The following KAZN variants were observed in gnomAD, a reference collection of about 807,000 sequenced individuals.
KAZN encodes kazrin, periplakin interacting protein, also known as kazrin.
KAZN carries 40 observed loss-of-function variants against 87.4 expected under a neutral mutation model. The observed-to-expected ratio is 0.46, with a 90% CI of 0.36 to 0.60. KAZN has a LOEUF of 0.60. KAZN is among the 20% of genes least tolerant of loss of function. KAZN has a pLI of 0.00. For synonymous variants in KAZN, 466 were observed against 458.3 expected (o/e 1.02, Z -0.22); for missense variants, 898 against 1,073.9 (o/e 0.84, Z 2.29).
intron 1 of KAZN, among the ~76,000 whole-genome samples, chr1:14,639,653 AT>A (rs371396058): frequency 3.3e-4 from 49 of 148,766 alleles, no homozygotes; most frequent in African/African-American, 7.4e-4. Flanking sequence ...AACTTCAGCA[AT>A]TTTTTTTTTT....
At chr1:14,430,355 G>T (rs1323269805) in intron 2 of KAZN, among the ~76,000 whole-genome samples, 2 of 151,862 alleles carry the variant, frequency 1.3e-5, no homozygotes, top group East Asian at 3.9e-4. Context: ...CCAGATTCAC[G>T]AATGTACCCC....
intron 2 of KAZN, among the ~76,000 whole-genome samples, chr1:14,578,098 C>T (rs781220782): frequency 2.4e-4 from 37 of 152,064 alleles, no homozygotes; most frequent in South Asian, 4.2e-4. Flanking sequence ...TGAGCTCCTT[C>T]GGATTGGACG....
intron 1 of KAZN, among the ~76,000 whole-genome samples, chr1:14,098,107 C>T (rs966677019): frequency 6.6e-5 from 10 of 152,092 alleles, no homozygotes; most frequent in South Asian, 2.1e-4. Flanking sequence ...CCCAAGTCCT[C>T]CCAGCCAGCA....
intron 2 of KAZN, among the ~76,000 whole-genome samples, chr1:14,220,457 G>A (rs1285184773): frequency 1.3e-5 from 2 of 152,148 alleles, no homozygotes; most frequent in Non-Finnish European, 2.9e-5. Flanking sequence ...CTATTTCTCT[G>A]TGTCGAGAGG....
chr1:15,063,508 C>T (rs533542475), intron 6 of KAZN, 64 bp from the exon 7 acceptor site: 18 of 1,424,130 alleles, frequency 1.3e-5, no homozygotes, highest in African/African-American at 8.5e-5. Context: ...CCGCACGGGC[C>T]GCCTCTGCTC....
chr1:15,100,730 G>A (rs1641022618), intron 10 of KAZN, among the ~76,000 whole-genome samples: 1 of 152,208 alleles, frequency 6.6e-6, no homozygotes, highest in South Asian at 2.1e-4. Flanking sequence ...GTCAAACATG[G>A]ACTTTAATTC....
At chr1:14,796,104 G>T (rs1026689684) in intron 1 of KAZN, among the ~76,000 whole-genome samples, 2 of 152,094 alleles carry the variant, frequency 1.3e-5, no homozygotes, top group African/African-American at 4.8e-5. Flanking sequence ...CTTGGACTTG[G>T]CCCCTCCAGT....
intron 13 of KAZN, among the ~76,000 whole-genome samples, chr1:15,110,391 T>TTG (rs71000363): frequency 0.054 from 8,193 of 150,898 alleles, 248 homozygotes; most frequent in Middle Eastern, 0.082. Context: ...ATTTGTGTGT[T>TTG]TGTGTGTGTC....
chr1:14,531,840 T>G (rs1571875912), intron 2 of KAZN, among the ~76,000 whole-genome samples: 1 of 152,164 alleles, frequency 6.6e-6, no homozygotes, highest in East Asian at 1.9e-4. Flanking sequence ...CACGTATATT[T>G]TTTTCCTTAA....
At chr1:14,827,151 GT>G (rs1274925814) in intron 1 of KAZN, among the ~76,000 whole-genome samples, 1 of 152,136 alleles carries the variant, frequency 6.6e-6, no homozygotes, top group Non-Finnish European at 1.5e-5. Context: ...ATTGGCTAAG[GT>G]AACTTTCTGT....
intron 2 of KAZN, among the ~76,000 whole-genome samples, chr1:14,252,573 A>G (rs2100618265): frequency 6.6e-6 from 1 of 152,184 alleles, no homozygotes; most frequent in East Asian, 1.9e-4. Context: ...CTTCCTTCAA[A>G]TATCAGTTCA....
At chr1:14,705,193 C>T (rs1409720891) in intron 1 of KAZN, among the ~76,000 whole-genome samples, 6 of 152,214 alleles carry the variant, frequency 3.9e-5, no homozygotes, top group South Asian at 2.1e-4. Context: ...TGTGCACACT[C>T]ATCCCAGGTG....
chr1:14,109,774 A>G (rs535380369), intron 1 of KAZN, among the ~76,000 whole-genome samples: 8 of 112,126 alleles, frequency 7.1e-5, no homozygotes, highest in East Asian at 3.8e-4. Flanking sequence ...ACTCTCCTCC[A>G]TCAGGCCCCT....
intron 1 of KAZN, among the ~76,000 whole-genome samples, chr1:14,644,373 T>C (rs550474732): frequency 6.6e-6 from 1 of 151,344 alleles, no homozygotes; most frequent in Admixed American, 6.6e-5. Context: ...TTTTTTCTTC[T>C]TTTTTTGAGA....
intron 2 of KAZN, among the ~76,000 whole-genome samples, chr1:14,343,648 T>G (rs1657899077): frequency 6.6e-6 from 1 of 152,238 alleles, no homozygotes; most frequent in Non-Finnish European, 1.5e-5. Flanking sequence ...TGTTTGATTT[T>G]TATTGATTCA....
intron 2 of KAZN, among the ~76,000 whole-genome samples, chr1:14,532,774 T>A (rs1193799278): frequency 6.6e-6 from 1 of 151,904 alleles, no homozygotes; most frequent in African/African-American, 2.4e-5. Flanking sequence ...TCCAGTTTCA[T>A]CCATGTCCCT....
At chr1:14,658,864 G>T (rs1207265328) in intron 1 of KAZN, among the ~76,000 whole-genome samples, 1 of 152,118 alleles carries the variant, frequency 6.6e-6, no homozygotes, top group East Asian at 1.9e-4. Context: ...GCAGTTTACT[G>T]TAATTCACAC....
chr1:14,002,170 C>T (rs367914168), intron 1 of KAZN, among the ~76,000 whole-genome samples: 2 of 152,078 alleles, frequency 1.3e-5, no homozygotes, highest in African/African-American at 2.4e-5. Flanking sequence ...ATCAAACAAC[C>T]CAGTCAAAAA....
chr1:14,276,183 G>T (rs1371121768), intron 2 of KAZN, among the ~76,000 whole-genome samples: 2 of 151,558 alleles, frequency 1.3e-5, no homozygotes, highest in Non-Finnish European at 2.9e-5. Flanking sequence ...GTGTGTGTGT[G>T]TGTGTGTGTG....
Sources: allele counts gnomAD v4.1 joint callset (sites outside exome capture counted in the v4.1 genomes callset), GRCh38; gene constraint gnomAD v4.1.1; transcripts MANE v1.5; gene names NCBI Gene and HGNC (gene_info 2026-07-23, HGNC 2026-07-21).